Variants in MAST4 observed in about 807,000 individuals in gnomAD.
The protein encoded by MAST4 is microtubule associated serine/threonine kinase family member 4, also known as microtubule-associated serine/threonine-protein kinase 4.
MAST4 carries 89 observed loss-of-function variants against 162.7 expected under a neutral mutation model. The observed-to-expected ratio is 0.55, with a 90% CI of 0.46 to 0.65. The LOEUF is 0.65. Ranked by LOEUF, MAST4 falls within the 30% of genes least tolerant of loss-of-function variation. MAST4 has a pLI of 0.00. For missense variants in MAST4, 3,153 were observed against 3,374.0 expected (o/e 0.93, Z 1.62); for synonymous variants, 1,479 against 1,361.1 (o/e 1.09, Z -1.91).
intron 3 of MAST4, among the ~76,000 whole-genome samples, chr5:66,807,576 T>C (rs1756258880): frequency 6.6e-6 from 1 of 152,236 alleles, no homozygotes; most frequent in South Asian, 2.1e-4. Context: ...ATAGTAGGTC[T>C]TATTCATTCT....
chr5:67,011,998 T>TTG (rs1359284830), intron 4 of MAST4, among the ~76,000 whole-genome samples: 1 of 152,074 alleles, frequency 6.6e-6, no homozygotes, highest in South Asian at 2.1e-4. Context: ...TTCACTGCTA[T>TTG]TGTGTGTGTG....
At chr5:67,108,748 A>G (rs966203581) in intron 10 of MAST4, among the ~76,000 whole-genome samples, 14 of 152,264 alleles carry the variant, frequency 9.2e-5, no homozygotes, top group Non-Finnish European at 1.9e-4. Flanking sequence ...TAAATTCAGC[A>G]GACATATTAC....
At chr5:66,939,473 T>C (rs1047500572) in intron 4 of MAST4, among the ~76,000 whole-genome samples, 2 of 152,216 alleles carry the variant, frequency 1.3e-5, no homozygotes, top group African/African-American at 4.8e-5. Context: ...GTTAATTTAA[T>C]TTGAATTTCA....
Position 66,993,921 on chromosome 5 carries a change from C to CCG in MAST4, c.675-60482_675-60481insGC, listed in dbSNP as rs948360754. Reference sequence around the variant, plus strand: ...ATAGAATCAATGGGTGTGCAGAAGACCCCCCCCCCCACCCCACCAAATCTG... The same window carrying CCG: ...ATAGAATCAATGGGTGTGCAGAAGACCGCCCCCCCCCCACCCCACCAAATCTG... On this transcript the variant is annotated intron_variant, in intron 4 of 28. Transcript: ENST00000403625. 3.2e-3 allele frequency among the ~76,000 whole-genome samples: 5 copies of CCG among 1,552 alleles called. 1 individual carries two copies. Among genetic ancestry groups the CCG allele is most frequent in the East Asian group, 0.02 (1 of 50 alleles). 1.0% of individuals were successfully genotyped at this position (1,552 alleles called of 152,430 possible). A position where few individuals can be genotyped will look rare whatever the true frequency, so the allele number is the denominator to read the frequency against.
intron 4 of MAST4, among the ~76,000 whole-genome samples, chr5:67,022,718 C>T (rs973466975): frequency 1.3e-5 from 2 of 152,128 alleles, no homozygotes; most frequent in East Asian, 1.9e-4. Context: ...CGAAACATTA[C>T]TAAATGCAAA....
At chr5:66,729,309 G>T (rs1044514954) in intron 1 of MAST4, among the ~76,000 whole-genome samples, 40 of 152,120 alleles carry the variant, frequency 2.6e-4, no homozygotes, top group Admixed American at 2.5e-3. Context: ...TCAGGTATTG[G>T]GGGTATATGT....
intron 1 of MAST4, among the ~76,000 whole-genome samples, chr5:66,711,362 T>C (rs1338155564): frequency 2.6e-5 from 4 of 152,198 alleles, no homozygotes; most frequent in South Asian, 2.1e-4. Context: ...GCTCATTCCT[T>C]TTGCAGGGTC....
At chr5:66,750,490 C>T (rs889865763) in intron 1 of MAST4, among the ~76,000 whole-genome samples, 2 of 152,226 alleles carry the variant, frequency 1.3e-5, no homozygotes, top group African/African-American at 2.4e-5. Flanking sequence ...TTGGGAAGCG[C>T]AAGGGGTCAG....
chr5:66,918,733 T>G (rs2150036854), intron 4 of MAST4, among the ~76,000 whole-genome samples: 1 of 152,314 alleles, frequency 6.6e-6, no homozygotes, highest in East Asian at 1.9e-4. Context: ...TCATGTAGGT[T>G]CTACCTATGT....
chr5:66,852,112 A>G (rs1043082376), intron 3 of MAST4, among the ~76,000 whole-genome samples: 1 of 152,192 alleles, frequency 6.6e-6, no homozygotes, highest in African/African-American at 2.4e-5. Context: ...ATATATAGAT[A>G]TATAAGCTGT....
At chr5:66,616,640 A>G (rs937693532) in intron 1 of MAST4, among the ~76,000 whole-genome samples, 7 of 152,204 alleles carry the variant, frequency 4.6e-5, no homozygotes, top group African/African-American at 7.2e-5. Flanking sequence ...AGAACCCCCA[A>G]GCAGCCAGGG....
At chr5:67,044,095 T>G (rs1757086199) in intron 4 of MAST4, among the ~76,000 whole-genome samples, 1 of 152,224 alleles carries the variant, frequency 6.6e-6, no homozygotes, top group Admixed American at 6.5e-5. Context: ...ATGTTTTAGG[T>G]AGCATCAGCC....
chr5:66,682,031 C>T (rs1387084330), intron 1 of MAST4, among the ~76,000 whole-genome samples: 1 of 152,156 alleles, frequency 6.6e-6, no homozygotes, highest in Non-Finnish European at 1.5e-5. Flanking sequence ...GTGCTAACTG[C>T]TTACATGTGT....
At chr5:66,858,059 T>C (rs1319317296) in intron 3 of MAST4, among the ~76,000 whole-genome samples, 1 of 152,122 alleles carries the variant, frequency 6.6e-6, no homozygotes. Flanking sequence ...TGGGTTCAAC[T>C]GATTCTTCTA....
intron 1 of MAST4, among the ~76,000 whole-genome samples, chr5:66,627,637 ATCTT>A (rs927372340): frequency 2.0e-5 from 3 of 152,158 alleles, no homozygotes; most frequent in South Asian, 2.1e-4. Context: ...AATGACTGCC[ATCTT>A]TCTTCTAACC....
intron 4 of MAST4, among the ~76,000 whole-genome samples, chr5:66,966,778 T>C (rs988190439): frequency 6.6e-6 from 1 of 152,180 alleles, no homozygotes; most frequent in African/African-American, 2.4e-5. Context: ...GTTGTAGAAG[T>C]TGATGAAATA....
At chr5:66,781,636 A>T (rs888619218) in intron 2 of MAST4, among the ~76,000 whole-genome samples, 1 of 152,156 alleles carries the variant, frequency 6.6e-6, no homozygotes, top group African/African-American at 2.4e-5. Context: ...AGAGGGTTGT[A>T]CACATTTTTT....
intron 1 of MAST4, among the ~76,000 whole-genome samples, chr5:66,665,974 C>T (rs12656033): frequency 0.25 from 38,726 of 152,054 alleles, 5,096 homozygotes; most frequent in South Asian, 0.3. Context: ...ATTGAATGTA[C>T]GTTAGAGCCC....
chr5:67,063,848 T>C (rs1759923382), intron 5 of MAST4, among the ~76,000 whole-genome samples: 1 of 152,156 alleles, frequency 6.6e-6, no homozygotes, highest in Non-Finnish European at 1.5e-5. Context: ...AAAGAAAGAT[T>C]GGATGTAGGG....
Sources: gnomAD v4.1 joint callset for allele counts (sites outside exome capture counted in the v4.1 genomes callset) on GRCh38, gnomAD v4.1.1 for gene constraint, MANE v1.5 for transcripts, NCBI Gene and HGNC (gene_info 2026-07-23, HGNC 2026-07-21) for gene names.